Variants in EME1 observed in about 807,000 individuals in gnomAD.
The protein encoded by EME1 is essential meiotic structure-specific endonuclease 1.
Under a neutral mutation model 59.1 loss-of-function variants are expected in EME1, and 61 were observed. The ratio of observed to expected loss-of-function variants is 1.03; its 90% CI spans 0.84 to 1.28. The LOEUF is 1.28. Among genes scored for constraint, EME1 ranks in the 50% most tolerant of loss-of-function variants. The pLI is 0.00. For synonymous variants in EME1, 230 were observed against 254.2 expected (o/e 0.90, Z 0.90); for missense variants, 635 against 682.6 (o/e 0.93, Z 0.78).
chr17:50,380,411 G>T lies in EME1; in HGVS notation c.1446G>T (p.Trp482Cys), dbSNP rs1015704307. The T allele has an allele frequency of 6.2e-7, 1 of 1,614,094 alleles. No individual in the cohort carries two copies. Among genetic ancestry groups the T allele is most frequent in the African/African-American group, 1.3e-5 (1 of 74,932 alleles). Residue 482 changes from tryptophan to cysteine, a missense_variant, in exon 8 of 9, where the codon TGG becomes TGT. Trp to Cys is a radical substitution (Grantham distance 215, BLOSUM62 -2). Coordinates refer to ENST00000338165, the MANE Select transcript of EME1 (RefSeq NM_152463.4). ...CTGGCAGGGGACTCGCACTAGTCTG[G>T]AGGAGACAGATTCAGCAGCTGAACC... Reference protein sequence around the residue: ...DLAGRGLALVWRRQIQQLNRV... With the variant: ...DLAGRGLALVCRRQIQQLNRV...
chr17:50,375,186 G>A lies in EME1; in HGVS notation c.-23G>A. The A allele has an allele frequency of 6.2e-7, 1 of 1,605,492 alleles. No homozygotes were observed. On this transcript the variant is annotated splice_region_variant and 5_prime_UTR_variant, in exon 2 of 9. Transcript: ENST00000338165. ...GTCATATGTCTCTTTTCCTTTTAGGGAATTATTTGATAGCACATACTGATG... is the reference window on the plus strand; with the variant it reads ...GTCATATGTCTCTTTTCCTTTTAGGAAATTATTTGATAGCACATACTGATG...
chr17:50,375,200 C>T lies in EME1; in HGVS notation c.-9C>T. ...TTCCTTTTAGGGAATTATTTGATAG[C>T]ACATACTGATGGCTCTAAAGAAGTC... On this transcript the variant is annotated 5_prime_UTR_variant, in exon 2 of 9. Transcript: ENST00000338165. 1 of 1,611,642 alleles carries T rather than the reference C, an allele frequency of 6.2e-7. No homozygotes were observed. Among genetic ancestry groups the T allele is most frequent in the South Asian group, 1.1e-5 (1 of 90,530 alleles).
Position 50,380,820 on chromosome 17 carries a change from G to A in EME1, c.1594G>A (p.Val532Met). The change falls in exon 9 of 9, where the codon GTG becomes ATG. Residue 532 changes from valine (V) to methionine (M), a missense_variant. Coordinates refer to ENST00000338165, the MANE Select transcript of EME1 (RefSeq NM_152463.4). ...ERQNLLADIQ[V>M]RRGEGVTSTS... ...CCAGAATTTGCTCGCAGACATACAG[G>A]TGCGCCGTGGGGAAGGTGTGACATC... 2 of 1,614,194 alleles carry A rather than the reference G, an allele frequency of 1.2e-6. No homozygotes were observed. The highest frequency in any genetic ancestry group is 1.6e-4 in the Middle Eastern group (1 of 6,062).
intron 3 of EME1, among the ~76,000 whole-genome samples, chr17:50,378,099 G>A (rs1913567066): frequency 6.8e-6 from 1 of 146,518 alleles, no homozygotes; most frequent in Non-Finnish European, 1.5e-5. Flanking sequence ...ATGGAGTCTA[G>A]CCCCGTTGCC....
chr17:50,376,537 A>T (rs892359122), intron 3 of EME1, among the ~76,000 whole-genome samples: 4 of 152,150 alleles, frequency 2.6e-5, no homozygotes, highest in African/African-American at 9.7e-5. Context: ...ACTATCTACT[A>T]ATGTACCCCT....
chr17:50,373,612 C>CATTTTACCACCCA (rs1913276169), intron 1 of EME1, among the ~76,000 whole-genome samples: 2 of 152,204 alleles, frequency 1.3e-5, no homozygotes, highest in African/African-American at 4.8e-5. Context: ...GTTACCATCC[C>CATTTTACCACCCA]TGTTTTACTA....
Position 50,378,822 on chromosome 17 carries a change from G to A in EME1, c.1039G>A (p.Val347Ile), listed in dbSNP as rs7222520. 1,248 of 1,614,188 alleles carry A rather than the reference G, an allele frequency of 7.7e-4. 13 individuals are homozygous for A. In the African/African-American group the frequency reaches 0.015, roughly 19 times the overall value. The change falls in exon 5 of 9, where the codon GTA becomes ATA. Residue 347 changes from valine (V) to isoleucine (I), a missense_variant. Coordinates refer to ENST00000338165, the MANE Select transcript of EME1 (RefSeq NM_152463.4). ...AGGGAAGGAAACGCTTCAGGGCTTT[G>A]TAACTGACATCACAGCAAAGACAGC... ...MKGKETLQGF[V>I]TDITAKTAGK...
chr17:50,374,984 AC>A, intron 1 of EME1, 200 bp from the exon 2 acceptor site: 1 of 466,514 alleles, frequency 2.1e-6, no homozygotes, highest in Non-Finnish European at 3.8e-6. Flanking sequence ...CTTCAGCTTG[AC>A]CTGGAAAGAA....
In EME1 at chr17:50,376,112, G is replaced by A; in HGVS notation, c.822G>A (p.Gln274=). The A allele has an allele frequency of 6.2e-7, 1 of 1,614,104 alleles. No homozygotes were observed. The highest frequency in any genetic ancestry group is 8.5e-7 in the Non-Finnish European group (1 of 1,180,026). Residue 274 remains glutamine, a synonymous_variant, in exon 3 of 9, where the codon CAG becomes CAA. Coordinates refer to ENST00000338165, the MANE Select transcript of EME1 (RefSeq NM_152463.4). ...EGGGQLLGAL[Q]TMECRCVIEA... is the part of the protein sequence containing the mutation. ...GGGGCCAGCTCCTAGGAGCACTGCAGACCATGGAGTGCCGCTGTGTGATTG... is the reference window on the plus strand; with the variant it reads ...GGGGCCAGCTCCTAGGAGCACTGCAAACCATGGAGTGCCGCTGTGTGATTG...
At chr17:50,377,599 A>G (rs1913541571) in intron 3 of EME1, among the ~76,000 whole-genome samples, 1 of 152,190 alleles carries the variant, frequency 6.6e-6, no homozygotes, top group South Asian at 2.1e-4. Flanking sequence ...CTTTGTCACA[A>G]AAAAACCTAT....
intron 1 of EME1, 57 bp downstream of exon 1, chr17:50,373,334 G>T: frequency 2.2e-6 from 2 of 901,488 alleles, no homozygotes; most frequent in East Asian, 2.7e-5. Context: ...CCTGAACACC[G>T]CTCTGCAGAA....
At chr17:50,376,582 T>A (rs1389795067) in intron 3 of EME1, among the ~76,000 whole-genome samples, 1 of 152,246 alleles carries the variant, frequency 6.6e-6, no homozygotes, top group African/African-American at 2.4e-5. Context: ...CTGCAGACAC[T>A]GCCAGATGTC....
At chr17:50,380,610 C>T in intron 8 of EME1, 109 bp downstream of exon 8, 1 of 1,529,350 alleles carries the variant, frequency 6.5e-7, no homozygotes, top group Non-Finnish European at 8.9e-7. Context: ...CACAGGTCAG[C>T]AGTGCAGGTC....
intron 1 of EME1, among the ~76,000 whole-genome samples, chr17:50,374,204 T>A (rs925400632): frequency 6.6e-5 from 10 of 152,208 alleles, no homozygotes; most frequent in Non-Finnish European, 1.0e-4. Context: ...TAAAAGGATA[T>A]TATGCTGTGC....
At chr17:50,380,161 GCACT>G (rs2143334523) in intron 7 of EME1, 147 bp from the exon 8 acceptor site, 3 of 686,420 alleles carry the variant, frequency 4.4e-6, no homozygotes, top group South Asian at 1.9e-5. Context: ...AACAAAGTGA[GCACT>G]CAAATTGTCA....
intron 3 of EME1, 27 bp from the exon 4 acceptor site, chr17:50,378,568 T>C: frequency 6.2e-7 from 1 of 1,612,264 alleles, no homozygotes; most frequent in South Asian, 1.1e-5. Flanking sequence ...CCTCCCTCCC[T>C]GTGCTGTGTT....
Position 50,378,894 on chromosome 17 carries a change from A to C in EME1, c.1111A>C (p.Ser371Arg). The C allele has an allele frequency of 3.1e-6, 5 of 1,614,222 alleles. No homozygotes were observed. The highest frequency in any genetic ancestry group is 4.2e-6 in the Non-Finnish European group (5 of 1,180,050). The part of the protein sequence containing the change: ...LVIVDQEKCF[S>R]AQNPPRRGKQ... ...GATTGTGGATCAGGAGAAATGCTTC[A>C]GGTTTGGATTTGCCCTGGTGATTTC... The change falls in exon 5 of 9, where the codon AGT (serine) becomes CGT (arginine). Residue 371 changes from serine to arginine, a missense_variant and splice_region_variant. By Grantham distance (110) the Ser-to-Arg change is moderately radical. Coordinates refer to ENST00000338165, the MANE Select transcript of EME1 (RefSeq NM_152463.4).
intron 1 of EME1, among the ~76,000 whole-genome samples, chr17:50,374,324 A>G (rs546467262): frequency 6.6e-6 from 1 of 152,098 alleles, no homozygotes; most frequent in South Asian, 2.1e-4. Flanking sequence ...TGCAGCCTTG[A>G]CCTCCCAGGC....
At position 50,381,044 on chromosome 17, in the gene EME1, C is replaced by A. The variant is rs1475597126; in HGVS notation, c.*105C>A. The A allele has an allele frequency of 2.4e-6, 3 of 1,251,462 alleles. No individual in the cohort carries two copies. The highest frequency in any genetic ancestry group is 1.5e-5 in the African/African-American group (1 of 66,938). 77.5% of individuals were successfully genotyped at this position (1,251,462 alleles called of 1,614,324 possible). A position where few individuals can be genotyped will look rare whatever the true frequency, so the allele number is the denominator to read the frequency against. ...TGGCAGCACCTCCTGGAACACAAGC[C>A]TAGGTGAGGCCCAGTCTTTCTTGGG... On this transcript the variant is annotated 3_prime_UTR_variant, in exon 9 of 9. Transcript: ENST00000338165.
Sources: allele counts gnomAD v4.1 joint callset (sites outside exome capture counted in the v4.1 genomes callset), GRCh38; gene constraint gnomAD v4.1.1; transcripts MANE v1.5; gene names NCBI Gene and HGNC (gene_info 2026-07-23, HGNC 2026-07-21).